The following ANOS1 variants were observed in gnomAD, a reference collection of about 807,000 sequenced individuals.
ANOS1 encodes the protein anosmin 1.
A neutral mutation model predicts 59.0 loss-of-function variants in ANOS1; 6 were observed. The observed-to-expected ratio is 0.10, with a 90% CI of 0.06 to 0.20. The LOEUF (loss-of-function observed/expected upper bound fraction) is 0.20. Ranked by LOEUF, ANOS1 falls within the 10% of genes least tolerant of loss-of-function variation. ANOS1 has a pLI of 1.00. For synonymous variants in ANOS1, 217 were observed against 223.4 expected, an observed-to-expected ratio of 0.97 and a Z score of 0.25; for missense variants, 433 against 542.3, an observed-to-expected ratio of 0.80 and a Z score of 2.00.
intron 2 of ANOS1, among the ~76,000 whole-genome samples, chrX:8,630,892 T>G (rs777541175): frequency 8.9e-6 from 1 of 112,957 alleles, no homozygotes; most frequent in Non-Finnish European, 1.9e-5. Context: ...GCCACCAGGG[T>G]GTCAGAGGAC....
At chrX:8,664,414 C>T (rs1170226133) in intron 2 of ANOS1, among the ~76,000 whole-genome samples, 1 of 110,295 alleles carries the variant, frequency 9.1e-6, no homozygotes, top group African/African-American at 3.3e-5. Context: ...AGGATGGTCT[C>T]AATCTCCTGA....
intron 3 of ANOS1, among the ~76,000 whole-genome samples, chrX:8,604,894 C>T (rs1930911288): frequency 8.9e-6 from 1 of 112,663 alleles, no homozygotes; most frequent in Admixed American, 9.4e-5. Context: ...CATGCTCTTC[C>T]TTTTGTATTT....
chrX:8,574,148 C>T (rs1268644272), intron 6 of ANOS1, among the ~76,000 whole-genome samples: 1 of 110,601 alleles, frequency 9.0e-6, no homozygotes, highest in African/African-American at 3.3e-5. Flanking sequence ...ACACTGGTTC[C>T]CATGCTGTTT....
intron 2 of ANOS1, among the ~76,000 whole-genome samples, chrX:8,693,530 T>A (rs1477829215): frequency 9.0e-6 from 1 of 111,137 alleles, no homozygotes; most frequent in African/African-American, 3.3e-5. Flanking sequence ...AGAAACTGGG[T>A]AATTCACATA....
chrX:8,670,856 T>C (rs895400014), intron 2 of ANOS1, among the ~76,000 whole-genome samples: 1 of 111,435 alleles, frequency 9.0e-6, no homozygotes, highest in Non-Finnish European at 1.9e-5. Flanking sequence ...CCTAAGTAAC[T>C]GGCCTTTCTC....
In ANOS1 at chrX:8,567,750, C is replaced by T. The variant is rs111466835; in HGVS notation, c.1207+482G>A. On this transcript the variant is annotated intron_variant, in intron 8 of 13. Transcript: ENST00000262648. ...CAAAGGTTGCAGTGAGCTGAGATCA[C>T]GCCATTGCACTCCAGCCTGGGTGAC... Among the ~76,000 whole-genome samples, 305 of 111,404 alleles carry T rather than the reference C, an allele frequency of 2.7e-3. 2 individuals are homozygous for T. The highest frequency in any genetic ancestry group is 9.7e-3 in the African/African-American group (296 of 30,652).
intron 13 of ANOS1, 56 bp from the exon 14 acceptor site, chrX:8,533,109 T>C (rs1036676652): frequency 2.5e-5 from 18 of 716,212 alleles, no homozygotes; most frequent in Admixed American, 1.6e-4. Flanking sequence ...AAATAAATGA[T>C]AGAATTACCT....
intron 2 of ANOS1, among the ~76,000 whole-genome samples, chrX:8,632,835 G>A (rs980662924): frequency 1.8e-5 from 2 of 109,733 alleles, no homozygotes; most frequent in African/African-American, 3.3e-5. Context: ...ATATAACAAT[G>A]CTATCTACAA....
At chrX:8,569,457 A>G (rs1930182808) in intron 7 of ANOS1, among the ~76,000 whole-genome samples, 1 of 111,962 alleles carries the variant, frequency 8.9e-6, no homozygotes, top group Admixed American at 9.5e-5. Context: ...CCTGGCTAAC[A>G]TGGTGAAACC....
chrX:8,539,626 G>A (rs770697410), intron 10 of ANOS1, 38 bp downstream of exon 10: 3 of 1,210,384 alleles, frequency 2.5e-6, no homozygotes, highest in Admixed American at 4.4e-5. Context: ...GTCTAATTAT[G>A]TTCACAGATC....
At chrX:8,567,623 G>C (rs915035340) in intron 8 of ANOS1, among the ~76,000 whole-genome samples, 2 of 111,426 alleles carry the variant, frequency 1.8e-5, no homozygotes, top group African/African-American at 6.5e-5. Flanking sequence ...GTGAAACCCT[G>C]TCTCTACTAA....
chrX:8,674,991 G>A lies in ANOS1; in HGVS notation c.255+24707C>T, dbSNP rs189122865. On this transcript the variant is annotated intron_variant, in intron 2 of 13. Transcript: ENST00000262648. ...CTTCTTTCCACACAATCAACCTCAT[G>A]TAATGTAACAGCAAATCCTCATTTC... Among the ~76,000 whole-genome samples the A allele has an allele frequency of 6.3e-5, 7 of 111,667 alleles. No homozygotes were observed. The East Asian group carries it at 2.0e-3, about 31-fold the overall frequency.
At chrX:8,648,571 T>A (rs189684315) in intron 2 of ANOS1, among the ~76,000 whole-genome samples, 173 of 111,390 alleles carry the variant, frequency 1.6e-3, no homozygotes, top group African/African-American at 5.5e-3. Context: ...CAAATAACTA[T>A]TTGCCATAAA....
chrX:8,592,874 T>C (rs1015248936), intron 4 of ANOS1, among the ~76,000 whole-genome samples: 6 of 111,548 alleles, frequency 5.4e-5, no homozygotes, highest in African/African-American at 2.0e-4. Flanking sequence ...TAAACTATAG[T>C]CTATGAAGGT....
In ANOS1 at chrX:8,536,905, C is replaced by T; in HGVS notation, c.1487G>A (p.Cys496Tyr). The change falls in exon 11 of 14, where the codon TGC becomes TAC. Residue 496 changes from cysteine (C) to tyrosine (Y), a missense_variant. Cys to Tyr is a radical substitution (Grantham distance 194). Coordinates refer to ENST00000262648, the MANE Select transcript of ANOS1 (RefSeq NM_000216.4). ...YIILQDLSFS[C>Y]KYKVTVQPIR... ...TGGTTGGACAGTCACCTTATACTTG[C>T]AGGAAAATGACAGATCTTGAAGAAT... is the stretch of plus-strand genomic sequence containing the variant. 8.3e-7 allele frequency: 1 copy of T among 1,208,739 alleles called. No homozygotes were observed. The highest frequency in any genetic ancestry group is 1.1e-6 in the Non-Finnish European group (1 of 893,101).
chrX:8,596,952 C>A, intron 4 of ANOS1, 82 bp downstream of exon 4: 1 of 1,191,345 alleles, frequency 8.4e-7, no homozygotes, highest in South Asian at 1.8e-5. Flanking sequence ...CTTTTCACAC[C>A]TATGATGGAC....
rs755684553 is a variant in ANOS1, at chrX:8,693,872, C to T, written c.255+5826G>A. On this transcript the variant is annotated intron_variant, in intron 2 of 13. Coordinates refer to ENST00000262648, the MANE Select transcript of ANOS1 (RefSeq NM_000216.4). Reference sequence around the variant, plus strand: ...CCAAGTAGCTGGGACTACAGGTGTGCACCACCATGCCCAGATAATTTTTGT... The same window carrying T: ...CCAAGTAGCTGGGACTACAGGTGTGTACCACCATGCCCAGATAATTTTTGT... Among the ~76,000 whole-genome samples the T allele has an allele frequency of 3.0e-4, 33 of 108,343 alleles. No individual in the cohort carries two copies. The South Asian group carries it at 0.013, about 42-fold the overall frequency. The allele number at this position is 108,343 out of a possible 115,157, so 94.1% of individuals were successfully genotyped here. A position where few individuals can be genotyped will look rare whatever the true frequency, so the allele number is the denominator to read the frequency against.
chrX:8,536,433 A>T (rs73472327), intron 11 of ANOS1, among the ~76,000 whole-genome samples: 1 of 110,356 alleles, frequency 9.1e-6, no homozygotes, highest in Non-Finnish European at 1.9e-5. Flanking sequence ...CCAGGTTGGC[A>T]TGGAAAGTGT....
intron 8 of ANOS1, among the ~76,000 whole-genome samples, chrX:8,562,531 T>C (rs762641468): frequency 8.9e-6 from 1 of 112,203 alleles, no homozygotes; most frequent in East Asian, 2.8e-4. Context: ...TCGATAGTCA[T>C]AGAAATTAAG....
Sources: gnomAD v4.1 joint callset for allele counts (sites outside exome capture counted in the v4.1 genomes callset) on GRCh38, gnomAD v4.1.1 for gene constraint, MANE v1.5 for transcripts, NCBI Gene and HGNC (gene_info 2026-07-23, HGNC 2026-07-21) for gene names.